Variants in RAD9B observed in about 807,000 individuals in gnomAD.
RAD9B encodes cell cycle checkpoint control protein RAD9B.
In RAD9B, 41 loss-of-function variants were observed where a neutral mutation model predicts 48.3. That is an observed-to-expected ratio of 0.85 (90% CI 0.66 to 1.10). The LOEUF is 1.10. Ranked by LOEUF, RAD9B falls within the 50% of genes least tolerant of loss-of-function variation. The pLI is 0.00. For missense variants in RAD9B, 444 were observed against 485.1 expected (o/e 0.92, Z 0.80); for synonymous variants, 160 against 157.9 (o/e 1.01, Z -0.10).
At chr12:110,517,770 A>ACACACG (rs1332656278) in intron 6 of RAD9B, among the ~76,000 whole-genome samples, 2 of 151,776 alleles carry the variant, frequency 1.3e-5, no homozygotes, top group East Asian at 3.9e-4. Context: ...ACACACACAC[A>ACACACG]CACACACACA....
chr12:110,531,385 T>A lies in RAD9B; in HGVS notation c.*732T>A, dbSNP rs2064132629. The A allele has an allele frequency of 4.2e-6, 2 of 474,972 alleles. No individual in the cohort carries two copies. Among genetic ancestry groups the A allele is most frequent in the Non-Finnish European group, 7.3e-6 (2 of 274,442 alleles). 29.4% of individuals were successfully genotyped at this position (474,972 alleles called of 1,614,324 possible). On this transcript the variant is annotated 3_prime_UTR_variant, in exon 11 of 11. Transcript: ENST00000409300. ...TTTCTGGTATTTTGTAGAGACAGGG[T>A]TTCGCCATGTTGGCCAGGGTGGTCT...
rs34935245 is a variant in RAD9B, at chr12:110,517,751, G to GACACACACAC, written c.596-895_596-886dup. Among the ~76,000 whole-genome samples, 114 of 141,516 alleles carry GACACACACAC rather than the reference G, an allele frequency of 8.1e-4. 1 individual carries two copies. The highest frequency in any genetic ancestry group is 1.7e-3 in the African/African-American group (67 of 38,296). The allele number at this position is 141,516 out of a possible 152,430, so 92.8% of individuals were successfully genotyped here. On this transcript the variant is annotated intron_variant, in intron 6 of 10. Coordinates refer to ENST00000409300, the MANE Select transcript of RAD9B (RefSeq NM_001286535.2). ...TTTGTAGTGGAAAACACAAAACATT[G>GACACACACAC]ACACACACACACACACACACACACA... is the stretch of plus-strand genomic sequence containing the variant.
chr12:110,526,441 C>T (rs1479721353), intron 10 of RAD9B, among the ~76,000 whole-genome samples: 1 of 152,158 alleles, frequency 6.6e-6, no homozygotes, highest in Non-Finnish European at 1.5e-5. Flanking sequence ...GGGCAGCTCT[C>T]AAAGATTAAA....
At chr12:110,523,625 C>T (rs1202008223) in intron 10 of RAD9B, among the ~76,000 whole-genome samples, 1 of 152,100 alleles carries the variant, frequency 6.6e-6, no homozygotes, top group Non-Finnish European at 1.5e-5. Context: ...TCTCATTGTA[C>T]AAAAGCATTG....
At chr12:110,504,422 G>A (rs780929345) in intron 2 of RAD9B, among the ~76,000 whole-genome samples, 3 of 147,688 alleles carry the variant, frequency 2.0e-5, no homozygotes, top group South Asian at 4.2e-4. Context: ...TGAGTGAGCC[G>A]ACATGGTGCC....
At position 110,533,426 on chromosome 12, in the gene RAD9B, A is replaced by C. The variant is rs1317441640; in HGVS notation, c.*2773A>C. On this transcript the variant is annotated 3_prime_UTR_variant, in exon 11 of 11. Coordinates refer to ENST00000409300, the MANE Select transcript of RAD9B (RefSeq NM_001286535.2). Reference sequence around the variant, plus strand: ...GCTCATTAGTATACACACAGATTCTAATTTGCTTCATTATTTAGCCATCTT... The same window carrying C: ...GCTCATTAGTATACACACAGATTCTCATTTGCTTCATTATTTAGCCATCTT... The C allele has an allele frequency of 6.6e-6, 1 of 152,204 alleles. No homozygotes were observed. The highest frequency in any genetic ancestry group is 2.4e-5 in the African/African-American group (1 of 41,448). 9.4% of individuals were successfully genotyped at this position (152,204 alleles called of 1,614,324 possible). A position where few individuals can be genotyped will look rare whatever the true frequency, so the allele number is the denominator to read the frequency against.
chr12:110,529,290 C>T (rs532410343), intron 10 of RAD9B, among the ~76,000 whole-genome samples: 1 of 151,992 alleles, frequency 6.6e-6, no homozygotes, highest in Admixed American at 6.5e-5. Context: ...ATTACAGGTG[C>T]CCGCCACCAT....
chr12:110,509,525 C>T (rs940859441), intron 4 of RAD9B, among the ~76,000 whole-genome samples: 8 of 151,970 alleles, frequency 5.3e-5, no homozygotes, highest in African/African-American at 1.9e-4. Flanking sequence ...CCTCTTGCCT[C>T]AGCCTCCTAA....
Position 110,506,652 on chromosome 12 carries a change from C to G in RAD9B, c.347C>G (p.Ser116Cys), listed in dbSNP as rs761635806. 6.2e-7 allele frequency: 1 copy of G among 1,601,918 alleles called. No homozygotes were observed. Among genetic ancestry groups the G allele is most frequent in the South Asian group, 1.1e-5 (1 of 90,658 alleles). The change falls in exon 4 of 11, where the codon TCT (serine) becomes TGT (cysteine). Residue 116 changes from serine (S) to cysteine (C), a missense_variant. By Grantham distance (112) the Ser-to-Cys change is moderately radical. Transcript: ENST00000409300. The stretch of plus-strand genomic sequence containing the variant: ...GAGAAGTGCAGAATATTCACCAGAT[C>G]TGATAAATGCAAAGTAGTTATTCAA... ...NIEKCRIFTRSDKCKVVIQFF... is the reference protein window; with the variant it reads ...NIEKCRIFTRCDKCKVVIQFF...
chr12:110,529,922 C>T (rs1054302843), intron 10 of RAD9B, among the ~76,000 whole-genome samples: 1 of 152,242 alleles, frequency 6.6e-6, no homozygotes, highest in South Asian at 2.1e-4. Context: ...ACGGAGGCTT[C>T]GTTGACCTCT....
chr12:110,505,056 A>G (rs971332999), intron 2 of RAD9B, among the ~76,000 whole-genome samples: 6 of 152,128 alleles, frequency 3.9e-5, no homozygotes, highest in Non-Finnish European at 5.9e-5. Context: ...GGCATTTACT[A>G]TTTTATGTTT....
At chr12:110,513,962 A>G (rs2063537979) in intron 5 of RAD9B, among the ~76,000 whole-genome samples, 1 of 151,964 alleles carries the variant, frequency 6.6e-6, no homozygotes, top group Non-Finnish European at 1.5e-5. Context: ...TTCTGAGTTC[A>G]AGTGATCCAT....
chr12:110,521,911 T>A (rs2063798747), intron 9 of RAD9B, among the ~76,000 whole-genome samples: 1 of 152,120 alleles, frequency 6.6e-6, no homozygotes, highest in Non-Finnish European at 1.5e-5. Flanking sequence ...GTATAGTAAT[T>A]TACTTGACTT....
chr12:110,520,634 T>TC (rs2063754240), intron 9 of RAD9B, among the ~76,000 whole-genome samples: 1 of 147,278 alleles, frequency 6.8e-6, no homozygotes, highest in Non-Finnish European at 1.5e-5. Context: ...CTTTCTTTTT[T>TC]TTTTTTTTTT....
intron 5 of RAD9B, among the ~76,000 whole-genome samples, chr12:110,514,456 A>G (rs978858788): frequency 1.3e-5 from 2 of 152,238 alleles, no homozygotes; most frequent in African/African-American, 4.8e-5. Context: ...GGAAATGCAA[A>G]TCAAACAATT....
chr12:110,530,473 T>C, intron 10 of RAD9B, 52 bp from the exon 11 acceptor site: 1 of 1,585,436 alleles, frequency 6.3e-7, no homozygotes, highest in Non-Finnish European at 8.6e-7. Flanking sequence ...GAGCATTTAA[T>C]GAGCAAACTT....
intron 9 of RAD9B, 32 bp from the exon 10 acceptor site, chr12:110,522,143 CAG>C (rs2063805340): frequency 7.6e-7 from 1 of 1,319,754 alleles, no homozygotes; most frequent in African/African-American, 1.5e-5. Context: ...TCACAATAAA[CAG>C]TTCATTCATT....
intron 8 of RAD9B, 122 bp downstream of exon 8, chr12:110,519,060 AT>A (rs2063695263): frequency 1.5e-6 from 1 of 652,214 alleles, no homozygotes; most frequent in East Asian, 2.9e-5. Flanking sequence ...ATTAATACTT[AT>A]CAAACTAAAA....
intron 6 of RAD9B, 64 bp downstream of exon 6, chr12:110,515,220 C>A: frequency 1.3e-6 from 1 of 798,946 alleles, no homozygotes; most frequent in Non-Finnish European, 2.1e-6. Context: ...GATTACTAAC[C>A]ATACTGCAAA....
Sources: allele counts gnomAD v4.1 joint callset (sites outside exome capture counted in the v4.1 genomes callset), GRCh38; gene constraint gnomAD v4.1.1; transcripts MANE v1.5; gene names NCBI Gene and HGNC (gene_info 2026-07-23, HGNC 2026-07-21).